DENND4A: variants seen among roughly 807,000 people sequenced by gnomAD.
DENND4A encodes the protein DENN domain containing 4A.
DENND4A carries 70 observed loss-of-function variants against 199.3 expected under a neutral mutation model. That is an observed-to-expected ratio of 0.35 (90% CI 0.29 to 0.43). DENND4A has a LOEUF of 0.43. Ranked by LOEUF, DENND4A falls within the 20% of genes least tolerant of loss-of-function variation. The pLI is 1.00. For missense variants in DENND4A, 1,723 were observed against 2,255.8 expected, an observed-to-expected ratio of 0.76 and a Z score of 4.78; for synonymous variants, 686 against 766.9, an observed-to-expected ratio of 0.89 and a Z score of 1.74.
intron 4 of DENND4A, among the ~76,000 whole-genome samples, chr15:65,748,632 AAAAC>A (rs2076477184): frequency 2.0e-5 from 3 of 151,338 alleles, no homozygotes; most frequent in South Asian, 4.2e-4. Flanking sequence ...TAAAAAAAAA[AAAAC>A]AAACAAAAAA....
chr15:65,754,334 A>G (rs1255563949), intron 3 of DENND4A, among the ~76,000 whole-genome samples: 1 of 152,130 alleles, frequency 6.6e-6, no homozygotes, highest in African/African-American at 2.4e-5. Flanking sequence ...TAAAAAAGGC[A>G]CCTACACACA....
intron 29 of DENND4A, among the ~76,000 whole-genome samples, chr15:65,666,796 A>T (rs2076052965): frequency 6.6e-6 from 1 of 151,832 alleles, no homozygotes; most frequent in Admixed American, 6.6e-5. Flanking sequence ...AAAAAAAAAA[A>T]AAATTAGGCT....
At chr15:65,680,272 C>T (rs2076526855) in intron 23 of DENND4A, among the ~76,000 whole-genome samples, 1 of 152,188 alleles carries the variant, frequency 6.6e-6, no homozygotes, top group African/African-American at 2.4e-5. Context: ...GCATTTTCAT[C>T]AATCCAGTTT....
chr15:65,719,400 T>G (rs1362722597), intron 12 of DENND4A: 2 of 151,688 alleles, frequency 1.3e-5, no homozygotes, highest in Non-Finnish European at 2.9e-5. Flanking sequence ...TTCTTCTTCC[T>G]GGACAATTCA....
intron 22 of DENND4A, among the ~76,000 whole-genome samples, chr15:65,693,427 T>C (rs528768310): frequency 6.6e-6 from 1 of 152,210 alleles, no homozygotes; most frequent in East Asian, 1.9e-4. Flanking sequence ...ACCTCTGAAT[T>C]TCCTGTTTGA....
intron 23 of DENND4A, 112 bp downstream of exon 23, chr15:65,690,303 G>A: frequency 8.6e-7 from 1 of 1,160,364 alleles, no homozygotes; most frequent in East Asian, 2.6e-5. Context: ...TACCCAATGA[G>A]TCCTTTTTAT....
At position 65,669,827 on chromosome 15, in the gene DENND4A, C is replaced by T; in HGVS notation, c.4739G>A (p.Gly1580Asp). The T allele has an allele frequency of 6.2e-7, 1 of 1,613,594 alleles. No homozygotes were observed. Among genetic ancestry groups the T allele is most frequent in the Non-Finnish European group, 8.5e-7 (1 of 1,179,678 alleles). The change falls in exon 27 of 33, where the codon GGT (glycine) becomes GAT (aspartate). Residue 1580 changes from glycine (G) to aspartate (D), a missense_variant. Around this residue, in one of 6 missense-constraint regions of DENND4A, gnomAD observed 141 missense variants for 170.7 expected, o/e 0.83. Coordinates refer to ENST00000443035, the MANE Select transcript of DENND4A (RefSeq NM_001320835.1). ...RQSCISTSASGLDTSALSVQG... is the reference protein window; with the variant it reads ...RQSCISTSASDLDTSALSVQG... ...AACAGAGAGAGCAGATGTGTCAAGA[C>T]CAGAGGCTGATGTTGAAATGCAAGA...
intron 28 of DENND4A, 21 bp downstream of exon 28, chr15:65,667,904 A>G: frequency 6.3e-7 from 1 of 1,583,878 alleles, no homozygotes; most frequent in Non-Finnish European, 8.5e-7. Context: ...TCCAAATAAA[A>G]AAATACACCA....
At position 65,729,260 on chromosome 15, in the gene DENND4A, A is replaced by G; in HGVS notation, c.1312-13T>C. ...AAGGGAAAATCATCTTGGATAAACAAAAGATAGGAGAGAATTTAGCTTTTT... is the reference window on the plus strand; with the variant it reads ...AAGGGAAAATCATCTTGGATAAACAGAAGATAGGAGAGAATTTAGCTTTTT... On this transcript the variant is annotated splice_polypyrimidine_tract_variant and intron_variant, in intron 10 of 32. Coordinates refer to ENST00000443035, the MANE Select transcript of DENND4A (RefSeq NM_001320835.1). 1 of 1,561,882 alleles carries G rather than the reference A, an allele frequency of 6.4e-7. No homozygotes were observed. Among genetic ancestry groups the G allele is most frequent in the South Asian group, 1.2e-5 (1 of 84,624 alleles).
intron 8 of DENND4A, 79 bp downstream of exon 8, chr15:65,732,673 A>T: frequency 1.2e-6 from 1 of 845,800 alleles, no homozygotes; most frequent in Non-Finnish European, 1.9e-6. Context: ...CCTCATTCAG[A>T]ATTGTTATTC....
Position 65,659,576 on chromosome 15 carries a change from A to T in DENND4A, c.*2275T>A, listed in dbSNP as rs2075793691. ...TGGTTTTGAACTCCTGGACTCAAGC[A>T]ATCCTCCCTGCTTCAGCCTCCCAAA... On this transcript the variant is annotated 3_prime_UTR_variant, in exon 33 of 33. Transcript: ENST00000443035. The T allele has an allele frequency of 6.6e-6, 1 of 151,848 alleles. No individual in the cohort carries two copies. Among genetic ancestry groups the T allele is most frequent in the Non-Finnish European group, 1.5e-5 (1 of 68,022 alleles). 9.4% of individuals were successfully genotyped at this position (151,848 alleles called of 1,614,324 possible). A position where few individuals can be genotyped will look rare whatever the true frequency, so the allele number is the denominator to read the frequency against.
At chr15:65,787,988 A>G (rs1005358091) in intron 1 of DENND4A, among the ~76,000 whole-genome samples, 1 of 152,238 alleles carries the variant, frequency 6.6e-6, no homozygotes, top group Non-Finnish European at 1.5e-5. Flanking sequence ...TTGGTGGAGG[A>G]AAGAAAAAGC....
chr15:65,712,573 C>T (rs903623428), intron 14 of DENND4A, among the ~76,000 whole-genome samples: 7 of 152,136 alleles, frequency 4.6e-5, no homozygotes, highest in Non-Finnish European at 8.8e-5. Context: ...TTTCCTAGTA[C>T]ACTATTTTCC....
intron 28 of DENND4A, 35 bp downstream of exon 28, chr15:65,667,890 A>C (rs1384409223): frequency 1.9e-6 from 3 of 1,578,682 alleles, no homozygotes; most frequent in African/African-American, 1.4e-5. Context: ...GTAAGTGATC[A>C]ATTTCCAAAT....
At chr15:65,723,054 G>T in intron 11 of DENND4A, 106 bp from the exon 12 acceptor site, 1 of 826,128 alleles carries the variant, frequency 1.2e-6, no homozygotes, top group Non-Finnish European at 1.7e-6. Context: ...CACCTTGAAT[G>T]AAAAATGAAA....
intron 1 of DENND4A, among the ~76,000 whole-genome samples, chr15:65,775,619 TG>T (rs1211062826): frequency 4.9e-5 from 5 of 103,064 alleles, no homozygotes; most frequent in Non-Finnish European, 8.6e-5. Flanking sequence ...CCAGCCTGGG[TG>T]ACAGTGCAAG....
chr15:65,726,962 G>C (rs904948910), intron 11 of DENND4A, among the ~76,000 whole-genome samples: 3 of 151,428 alleles, frequency 2.0e-5, no homozygotes, highest in Admixed American at 6.6e-5. Flanking sequence ...TGTCTCAAAA[G>C]AATAAAAAGT....
chr15:65,709,719 A>AAAAAAATATATATAT (rs1218030026), intron 14 of DENND4A, among the ~76,000 whole-genome samples: 13 of 51,464 alleles, frequency 2.5e-4, no homozygotes, highest in Non-Finnish European at 3.1e-4. Context: ...AAAAAAAAAA[A>AAAAAAATATATATAT]ATATATATAT....
chr15:65,695,110 C>G (rs2142111223), intron 22 of DENND4A, among the ~76,000 whole-genome samples: 1 of 152,270 alleles, frequency 6.6e-6, no homozygotes, highest in South Asian at 2.1e-4. Context: ...TTTAATGTTT[C>G]TGTTACAACA....
Sources: gnomAD v4.1 joint callset for allele counts (sites outside exome capture counted in the v4.1 genomes callset) on GRCh38, gnomAD v4.1.1 for gene constraint, gnomAD v4.1.1 regional missense constraint, MANE v1.5 for transcripts, NCBI Gene and HGNC (gene_info 2026-07-23, HGNC 2026-07-21) for gene names.